STAM: variants seen among roughly 807,000 people sequenced by gnomAD.
The protein encoded by STAM is signal transducing adaptor molecule.
In STAM, 16 loss-of-function variants were observed where a neutral mutation model predicts 63.4. The ratio of observed to expected loss-of-function variants is 0.25; its 90% CI spans 0.17 to 0.38. STAM has a LOEUF of 0.38. Ranked by LOEUF, STAM falls within the 10% of genes least tolerant of loss-of-function variation. The pLI, the probability that STAM is intolerant of heterozygous loss-of-function variation, is 1.00. For synonymous variants in STAM, 238 were observed against 223.9 expected, an observed-to-expected ratio of 1.06 and a Z score of -0.56; for missense variants, 636 against 657.1, an observed-to-expected ratio of 0.97 and a Z score of 0.35.
At chr10:17,674,720 G>A (rs1481296241) in intron 2 of STAM, among the ~76,000 whole-genome samples, 3 of 152,162 alleles carry the variant, frequency 2.0e-5, no homozygotes, top group Non-Finnish European at 4.4e-5. Context: ...AGGGTTGTTA[G>A]ATGTCACCTC....
At chr10:17,663,815 A>T (rs1834269786) in intron 2 of STAM, among the ~76,000 whole-genome samples, 1 of 152,068 alleles carries the variant, frequency 6.6e-6, no homozygotes, top group African/African-American at 2.4e-5. Flanking sequence ...TTTTCTTTCA[A>T]TAATACTGTT....
chr10:17,709,043 A>T (rs1446044609), intron 13 of STAM, 92 bp downstream of exon 13: 1 of 1,455,212 alleles, frequency 6.9e-7, no homozygotes, highest in Admixed American at 2.0e-5. Flanking sequence ...CTGGCTAATA[A>T]ATATCTGTGG....
intron 9 of STAM, among the ~76,000 whole-genome samples, chr10:17,703,180 C>T (rs1007715757): frequency 2.6e-5 from 4 of 152,016 alleles, no homozygotes; most frequent in African/African-American, 9.7e-5. Flanking sequence ...TGGACTCTCA[C>T]TTTCATTTGA....
At chr10:17,706,512 G>T (rs1836285350) in intron 12 of STAM, among the ~76,000 whole-genome samples, 1 of 151,324 alleles carries the variant, frequency 6.6e-6, no homozygotes, top group South Asian at 2.1e-4. Flanking sequence ...CTGAGTAGCT[G>T]GGACTACAGG....
intron 2 of STAM, among the ~76,000 whole-genome samples, chr10:17,681,610 G>A (rs1835088930): frequency 6.6e-6 from 1 of 152,086 alleles, no homozygotes; most frequent in Non-Finnish European, 1.5e-5. Context: ...GAAAATATAT[G>A]TCATTTTAAT....
Position 17,684,599 on chromosome 10 carries a change from T to C in STAM, c.126-76T>C, listed in dbSNP as rs572635935. ...ATAGTCTCCCTTTTTATCGTAGTCTTTTGTCTATAACAGTTAAGGGGCAGG... is the reference window on the plus strand; with the variant it reads ...ATAGTCTCCCTTTTTATCGTAGTCTCTTGTCTATAACAGTTAAGGGGCAGG... On this transcript the variant is annotated intron_variant, in intron 2 of 13. Transcript: ENST00000377524. The C allele has an allele frequency of 3.8e-5, 44 of 1,147,688 alleles. 1 individual carries two copies. In the Admixed American group the frequency reaches 6.9e-4, roughly 18 times the overall value. 71.1% of individuals were successfully genotyped at this position (1,147,688 alleles called of 1,614,324 possible).
intron 1 of STAM, among the ~76,000 whole-genome samples, chr10:17,658,224 G>A (rs1554822418): frequency 6.6e-6 from 1 of 151,736 alleles, no homozygotes; most frequent in Non-Finnish European, 1.5e-5. Context: ...GTTTAAAAGT[G>A]TGTTAGTCTC....
intron 12 of STAM, among the ~76,000 whole-genome samples, chr10:17,707,818 C>G (rs1160735205): frequency 6.6e-6 from 1 of 150,718 alleles, no homozygotes; most frequent in South Asian, 2.1e-4. Flanking sequence ...AGACTTCAAT[C>G]TCTTTAGATT....
At chr10:17,659,209 T>C (rs139477610) in intron 1 of STAM, among the ~76,000 whole-genome samples, 3 of 152,216 alleles carry the variant, frequency 2.0e-5, no homozygotes, top group African/African-American at 7.2e-5. Flanking sequence ...TCATGTGTAA[T>C]GCAAGTACCT....
rs782226890 is a variant in STAM, at chr10:17,695,255, T to C, written c.728+14T>C. The C allele has an allele frequency of 6.2e-7, 1 of 1,607,692 alleles. No homozygotes were observed. Among genetic ancestry groups the C allele is most frequent in the South Asian group, 1.1e-5 (1 of 90,446 alleles). On this transcript the variant is annotated intron_variant, in intron 7 of 13. Transcript: ENST00000377524. The stretch of plus-strand genomic sequence containing the variant: ...TCTTGATGACAGGTAATGTTAATAT[T>C]ACATTTAAAATTTGTATGAAAGTGT...
intron 2 of STAM, among the ~76,000 whole-genome samples, chr10:17,677,699 G>T (rs1222307685): frequency 2.0e-5 from 3 of 152,120 alleles, no homozygotes; most frequent in African/African-American, 7.2e-5. Context: ...TAAAAAAATT[G>T]AATGCTTGGC....
At chr10:17,702,389 G>A (rs1240698396) in intron 9 of STAM, among the ~76,000 whole-genome samples, 1 of 152,152 alleles carries the variant, frequency 6.6e-6, no homozygotes, top group African/African-American at 2.4e-5. Context: ...TGAAATACAT[G>A]ACAGAGACTG....
chr10:17,693,164 G>C, intron 5 of STAM, 58 bp from the exon 6 acceptor site: 2 of 1,485,722 alleles, frequency 1.3e-6, no homozygotes, highest in Non-Finnish European at 1.9e-6. Flanking sequence ...CTTAGGGTGG[G>C]TGAGAGGAGG....
At chr10:17,681,751 G>T (rs1835095953) in intron 2 of STAM, among the ~76,000 whole-genome samples, 1 of 152,210 alleles carries the variant, frequency 6.6e-6, no homozygotes, top group Non-Finnish European at 1.5e-5. Context: ...TATGAATCTT[G>T]TTAGTGCCTA....
intron 13 of STAM, 104 bp from the exon 14 acceptor site, chr10:17,714,439 G>A (rs1195433771): frequency 9.2e-7 from 1 of 1,088,256 alleles, no homozygotes; most frequent in Non-Finnish European, 1.4e-6. Flanking sequence ...GTTATTAAAT[G>A]AATTGACTAT....
intron 13 of STAM, among the ~76,000 whole-genome samples, chr10:17,713,637 T>A (rs1225551101): frequency 6.6e-6 from 1 of 152,184 alleles, no homozygotes; most frequent in Admixed American, 6.5e-5. Flanking sequence ...CTGTTCATTA[T>A]CATATTTTGA....
chr10:17,715,807 TG>T lies in STAM; in HGVS notation c.*1028del, dbSNP rs1836791391. ...AATTATTTGGGATATCAACAAAATT[TG>T]ATTCGTCTGTCTAATCCCTTGCTAG... On this transcript the variant is annotated 3_prime_UTR_variant, in exon 14 of 14. Coordinates refer to ENST00000377524, the MANE Select transcript of STAM (RefSeq NM_003473.4). 1.3e-5 allele frequency: 2 copies of T among 152,770 alleles called. No homozygotes were observed. The highest frequency in any genetic ancestry group is 6.5e-5 in the Admixed American group (1 of 15,304). 9.5% of individuals were successfully genotyped at this position (152,770 alleles called of 1,614,324 possible).
chr10:17,694,950 T>C (rs1835690100), intron 6 of STAM, 99 bp from the exon 7 acceptor site: 2 of 1,131,896 alleles, frequency 1.8e-6, no homozygotes, highest in African/African-American at 1.6e-5. Flanking sequence ...AACTATACTA[T>C]TGAAGGAAGA....
chr10:17,677,850 T>C (rs1554824823), intron 2 of STAM, among the ~76,000 whole-genome samples: 3 of 152,308 alleles, frequency 2.0e-5, no homozygotes, highest in South Asian at 2.1e-4. Context: ...TTTTTCTATA[T>C]AATTATTAAA....
Sources: gnomAD v4.1 joint callset for allele counts (sites outside exome capture counted in the v4.1 genomes callset) on GRCh38, gnomAD v4.1.1 for gene constraint, MANE v1.5 for transcripts, NCBI Gene and HGNC (gene_info 2026-07-23, HGNC 2026-07-21) for gene names.